NFATC3: variants seen among roughly 807,000 people sequenced by gnomAD.
The protein encoded by NFATC3 is nuclear factor of activated T-cells, cytoplasmic 3.
In NFATC3, 46 loss-of-function variants were observed where a neutral mutation model predicts 98.6. The observed-to-expected ratio is 0.47, with a 90% CI of 0.37 to 0.60. NFATC3 has a LOEUF of 0.60. Ranked by LOEUF, NFATC3 falls within the 20% of genes least tolerant of loss-of-function variation. NFATC3 has a pLI of 0.00. For synonymous variants in NFATC3, 512 were observed against 472.2 expected (o/e 1.08, Z -1.09); for missense variants, 1,256 against 1,295.5 (o/e 0.97, Z 0.47).
Position 68,103,167 on chromosome 16 carries a change from TTTCTTTTTTC to T in NFATC3, c.103+17393_103+17402del, listed in dbSNP as rs1192202908. Among the ~76,000 whole-genome samples, 12 of 151,404 alleles carry T rather than the reference TTTCTTTTTTC, an allele frequency of 7.9e-5. 2 individuals are homozygous for T. Reference sequence around the variant, plus strand: ...CCATTCTGTAGGTTGTCTTTTCACTTTTCTTTTTTCTTCTTTTTTTTTTATTTTATTATTA... The same window carrying T: ...CCATTCTGTAGGTTGTCTTTTCACTTTTCTTTTTTTTTTATTTTATTATTA... On this transcript the variant is annotated intron_variant, in intron 1 of 9. Transcript: ENST00000346183.
chr16:68,193,280 TGG>T lies in NFATC3; in HGVS notation c.3106+1506_3106+1507del, dbSNP rs546101204. The stretch of plus-strand genomic sequence containing the variant: ...TGGATTTTGGTATGGGGGGGTTGTA[TGG>T]TATGGACATAATCATTTCTCAGTGT... On this transcript the variant is annotated intron_variant, in intron 9 of 9. Transcript: ENST00000346183. Among the ~76,000 whole-genome samples, 767 of 152,232 alleles carry T rather than the reference TGG, an allele frequency of 5.0e-3. 8 individuals carry two copies. The highest frequency in any genetic ancestry group is 0.017 in the African/African-American group (699 of 41,540).
At position 68,181,487 on chromosome 16, in the gene NFATC3, A is replaced by G; in HGVS notation, c.1928A>G (p.Gln643Arg). ...TTTCTTTCAATAGATGGACGACCTC[A>G]GTGGGAGGTAGAAGGGAAGATAATC... ...FLEKGQDGRP[Q>R]WEVEGKIIRE... The change falls in exon 7 of 10, where the codon CAG becomes CGG. Residue 643 changes from glutamine to arginine, a missense_variant. Transcript: ENST00000346183. 1 of 1,611,244 alleles carries G rather than the reference A, an allele frequency of 6.2e-7. No individual in the cohort carries two copies. Among genetic ancestry groups the G allele is most frequent in the Non-Finnish European group, 8.5e-7 (1 of 1,177,636 alleles).
chr16:68,085,829 G>T (rs2034334723), intron 1 of NFATC3, 45 bp downstream of exon 1: 18 of 1,339,806 alleles, frequency 1.3e-5, no homozygotes, highest in South Asian at 3.2e-5. Context: ...CCCGCTTCTC[G>T]CTCGCAGGAT....
At position 68,085,610 on chromosome 16, in the gene NFATC3, G is replaced by A; in HGVS notation, c.-72G>A. ...CGGCCCGGCATGAAGCGGCGTTGAG[G>A]AGCTGCTGCCGCCGCTTGCCGCTGC... On this transcript the variant is annotated 5_prime_UTR_variant, in exon 1 of 10. Transcript: ENST00000346183. 7.5e-7 allele frequency: 1 copy of A among 1,342,014 alleles called. No individual in the cohort carries two copies. Among genetic ancestry groups the A allele is most frequent in the Non-Finnish European group, 1.0e-6 (1 of 1,003,646 alleles). The allele number at this position is 1,342,014 out of a possible 1,614,324, so 83.1% of individuals were successfully genotyped here. A position where few individuals can be genotyped will look rare whatever the true frequency, so the allele number is the denominator to read the frequency against.
intron 9 of NFATC3, among the ~76,000 whole-genome samples, chr16:68,216,688 C>T (rs138366578): frequency 0.049 from 7,431 of 152,152 alleles, 527 homozygotes; most frequent in African/African-American, 0.16. Context: ...CCTGCCACCA[C>T]ACCTGGCTAA....
Position 68,187,813 on chromosome 16 carries a change from G to A in NFATC3, c.2099-2955G>A, listed in dbSNP as rs373889346. Among the ~76,000 whole-genome samples the A allele has an allele frequency of 8.5e-5, 13 of 152,286 alleles. No individual in the cohort carries two copies. In the East Asian group the frequency reaches 9.7e-4, roughly 11 times the overall value. ...CATGGGTGGGCCCAGAAAAAGCACC[G>A]TAAGTTCGCACTCTGGTCTGTGGGA... On this transcript the variant is annotated intron_variant, in intron 8 of 9. Coordinates refer to ENST00000346183, the MANE Select transcript of NFATC3 (RefSeq NM_173165.3).
intron 9 of NFATC3, among the ~76,000 whole-genome samples, chr16:68,202,696 C>T (rs1456343339): frequency 6.6e-6 from 1 of 152,038 alleles, no homozygotes; most frequent in Non-Finnish European, 1.5e-5. Flanking sequence ...CCTATAATCC[C>T]AGCTACTCGG....
rs559612118 is a variant in NFATC3, at chr16:68,085,418, G to C, written c.-264G>C. On this transcript the variant is annotated 5_prime_UTR_variant, in exon 1 of 10. Transcript: ENST00000346183. ...CGGCGGTGGCGGCGACTGTGGGGGG[G>C]CGGCGGGGAACATTGGCTAAGCCGA... 7.3e-6 allele frequency: 2 copies of C among 274,894 alleles called. No individual in the cohort carries two copies. Among genetic ancestry groups the C allele is most frequent in the South Asian group, 9.5e-5 (1 of 10,544 alleles). The allele number at this position is 274,894 out of a possible 1,614,324, so 17.0% of individuals were successfully genotyped here. A position where few individuals can be genotyped will look rare whatever the true frequency, so the allele number is the denominator to read the frequency against.
chr16:68,192,730 A>C (rs535444533), intron 9 of NFATC3, among the ~76,000 whole-genome samples: 2 of 152,158 alleles, frequency 1.3e-5, no homozygotes, highest in African/African-American at 4.8e-5. Context: ...AGGCATAGTG[A>C]TGTGGCCCTG....
chr16:68,192,736 C>T (rs959964762), intron 9 of NFATC3, among the ~76,000 whole-genome samples: 2 of 152,062 alleles, frequency 1.3e-5, no homozygotes, highest in African/African-American at 2.4e-5. Flanking sequence ...AGTGATGTGG[C>T]CCTGTAGTCC....
At chr16:68,186,636 C>A (rs1432400564) in intron 8 of NFATC3, among the ~76,000 whole-genome samples, 1 of 152,162 alleles carries the variant, frequency 6.6e-6, no homozygotes, top group Non-Finnish European at 1.5e-5. Flanking sequence ...CTTTGATCCA[C>A]ATATAAACAA....
Position 68,128,719 on chromosome 16 carries a change from C to T in NFATC3, c.1401+2109C>T, listed in dbSNP as rs376879203. On this transcript the variant is annotated intron_variant, in intron 3 of 9. Transcript: ENST00000346183. The stretch of plus-strand genomic sequence containing the variant: ...GTCCCAGCTACTGGGGAGGCTGAGG[C>T]TTAAGGATCGCTTGAGGCCAGGAAT... Among the ~76,000 whole-genome samples the T allele has an allele frequency of 3.9e-5, 6 of 152,096 alleles. No individual in the cohort carries two copies. In the East Asian group the frequency reaches 5.8e-4, roughly 15 times the overall value.
chr16:68,120,218 A>G (rs1205673071), intron 1 of NFATC3, among the ~76,000 whole-genome samples: 2 of 150,854 alleles, frequency 1.3e-5, no homozygotes, highest in Non-Finnish European at 3.0e-5. Flanking sequence ...AGTTTGAGGC[A>G]GCAGTGAGCT....
intron 9 of NFATC3, among the ~76,000 whole-genome samples, chr16:68,198,011 ACT>A (rs1280754611): frequency 6.6e-6 from 1 of 152,178 alleles, no homozygotes; most frequent in Non-Finnish European, 1.5e-5. Context: ...TAGTAATGTA[ACT>A]CAGCTCAGAA....
chr16:68,167,807 G>GTTTTTTTTTTTTTTT (rs1263970399), intron 5 of NFATC3, among the ~76,000 whole-genome samples: 3 of 23,586 alleles, frequency 1.3e-4, no homozygotes, highest in Non-Finnish European at 3.1e-4. Flanking sequence ...AACCGTATGT[G>GTTTTTTTTTTTTTTT]TTCTTTTTTT....
intron 4 of NFATC3, among the ~76,000 whole-genome samples, chr16:68,162,505 AG>A (rs2038940081): frequency 6.6e-6 from 1 of 152,134 alleles, no homozygotes; most frequent in African/African-American, 2.4e-5. Flanking sequence ...TGTTCTCTTA[AG>A]GCAATAAGGT....
At chr16:68,190,705 A>C in intron 8 of NFATC3, 63 bp from the exon 9 acceptor site, 1 of 1,486,754 alleles carries the variant, frequency 6.7e-7, no homozygotes, top group Non-Finnish European at 9.0e-7. Context: ...CCTAGCATGA[A>C]GGCCTGTCAT....
At chr16:68,112,845 G>A (rs183134563) in intron 1 of NFATC3, among the ~76,000 whole-genome samples, 1 of 151,168 alleles carries the variant, frequency 6.6e-6, no homozygotes, top group South Asian at 2.1e-4. Flanking sequence ...TAGTCTTCAA[G>A]CTCTGATATC....
intron 5 of NFATC3, among the ~76,000 whole-genome samples, chr16:68,172,625 AT>A (rs869266489): frequency 1.1e-4 from 17 of 151,574 alleles, no homozygotes; most frequent in Admixed American, 8.5e-4. Context: ...TACAAAAAAA[AT>A]TTTTTTTTAG....
Sources: gnomAD v4.1 joint callset for allele counts (sites outside exome capture counted in the v4.1 genomes callset) on GRCh38, gnomAD v4.1.1 for gene constraint, MANE v1.5 for transcripts, NCBI Gene and HGNC (gene_info 2026-07-23, HGNC 2026-07-21) for gene names.